The following CRYBA4 variants were observed in gnomAD, a reference collection of about 807,000 sequenced individuals.
CRYBA4 encodes beta-crystallin A4.
Under a neutral mutation model 31.7 loss-of-function variants are expected in CRYBA4, and 30 were observed. The ratio of observed to expected loss-of-function variants is 0.95; its 90% CI spans 0.71 to 1.28. The LOEUF (loss-of-function observed/expected upper bound fraction) is 1.28. Among genes scored for constraint, CRYBA4 ranks in the 50% most tolerant of loss-of-function variants. The probability of loss-of-function intolerance (pLI) is 0.00; values close to 1 mark genes in which losing one functional copy is unlikely to be tolerated. For synonymous variants in CRYBA4, 102 were observed against 102.3 expected (o/e 1.00, Z 0.02); for missense variants, 225 against 260.7 (o/e 0.86, Z 0.94).
chr22:26,616,128 C>T, the CRYBA4 span: 16 of 1,612,822 alleles, frequency 9.9e-6, no homozygotes, highest in Non-Finnish European at 1.2e-5. Flanking sequence ...CACTGCACCC[C>T]CAGGTCCTTA....
the CRYBA4 span, among the ~76,000 whole-genome samples, chr22:26,600,451 C>T: frequency 6.6e-6 from 1 of 152,048 alleles, no homozygotes; most frequent in African/African-American, 2.4e-5. Flanking sequence ...CAGTGCGTAG[C>T]AGCTGGGAAC....
intron 5 of CRYBA4, among the ~76,000 whole-genome samples, chr22:26,629,701 C>G (rs1313905364): frequency 8.0e-6 from 1 of 125,156 alleles, no homozygotes; most frequent in Non-Finnish European, 1.6e-5. Flanking sequence ...TGCCACGGCA[C>G]TCCAGTCTGG....
rs758790937 is a variant in CRYBA4 at position 26,630,471 on chromosome 22, G to T, written c.575G>T (p.Arg192Leu). 2 of 1,613,540 alleles carry T rather than the reference G, an allele frequency of 1.2e-6. No homozygotes were observed. The highest frequency in any genetic ancestry group is 1.7e-6 in the Non-Finnish European group (2 of 1,179,914). The part of the protein sequence containing the change: ...HAPTFQVQSI[R>L]RIQQ ...CCGACCTTCCAGGTGCAGAGCATCCGCAGGATCCAGCAGTGAACAGGGGTG... is the reference window on the plus strand; with the variant it reads ...CCGACCTTCCAGGTGCAGAGCATCCTCAGGATCCAGCAGTGAACAGGGGTG... Residue 192 changes from arginine (R) to leucine (L), a missense_variant, in exon 6 of 6, where the codon CGC becomes CTC. Coordinates refer to ENST00000354760, the MANE Select transcript of CRYBA4 (RefSeq NM_001886.3).
In CRYBA4 at chr22:26,627,359, C is replaced by CCCTCCCTCCCTCCCTCCCTT. The variant is rs1404229613; in HGVS notation, c.301-928_301-927insCTCCCTCCCTCCCTCCCTTC. 3.2e-3 allele frequency among the ~76,000 whole-genome samples: 136 copies of CCCTCCCTCCCTCCCTCCCTT among 41,860 alleles called. 3 individuals carry two copies. In the Middle Eastern group the frequency reaches 0.033, roughly 10 times the overall value. 27.5% of individuals were successfully genotyped at this position (41,860 alleles called of 152,430 possible). On this transcript the variant is annotated intron_variant, in intron 4 of 5. Transcript: ENST00000354760. ...CCCCTCCCTCCCTCCCTCCCTCCCT[C>CCCTCCCTCCCTCCCTCCCTT]CTTTCTTTCTTTCTTTCTTTCTTTC...
At chr22:26,599,437 A>C in the CRYBA4 span, 2 of 1,544,598 alleles carry the variant, frequency 1.3e-6, no homozygotes, top group Non-Finnish European at 1.8e-6. Flanking sequence ...AAATGGGGGA[A>C]ATAATTGAAC....
chr22:26,623,213 C>CTT, intron 2 of CRYBA4, 21 bp from the exon 3 acceptor site: 12 of 1,350,756 alleles, frequency 8.9e-6, no homozygotes, highest in Non-Finnish European at 1.1e-5. Context: ...GGATCTCCAC[C>CTT]TTTTTTTTTT....
At chr22:26,617,672 T>C (rs1228069048), upstream of CRYBA4, among the ~76,000 whole-genome samples, 2 of 152,130 alleles carry the variant, frequency 1.3e-5, no homozygotes, top group African/African-American at 4.8e-5. Flanking sequence ...TCTTTCTGCC[T>C]ATCTGCCTGT....
chr22:26,622,636 G>A lies in CRYBA4; in HGVS notation c.39+1G>A. 1.9e-6 allele frequency: 3 copies of A among 1,561,224 alleles called. No individual in the cohort carries two copies. The highest frequency in any genetic ancestry group is 1.8e-6 in the Non-Finnish European group (2 of 1,138,954). On this transcript the variant is annotated splice_donor_variant, in intron 2 of 5. Transcript: ENST00000354760. LOFTEE classifies it high-confidence loss of function. ...CACAAAGTCAGCGGGACCCTGGAAGGTAGGAAGAGGCATGGGGAGGGGGTG... is the reference window on the plus strand; with the variant it reads ...CACAAAGTCAGCGGGACCCTGGAAGATAGGAAGAGGCATGGGGAGGGGGTG...
chr22:26,618,586 G>T (rs1929439130), upstream of CRYBA4, among the ~76,000 whole-genome samples: 1 of 152,212 alleles, frequency 6.6e-6, no homozygotes, highest in African/African-American at 2.4e-5. Flanking sequence ...TGTTATCTCG[G>T]TCAGTCCCCG....
the CRYBA4 span, among the ~76,000 whole-genome samples, chr22:26,594,792 G>T: frequency 3.9e-5 from 6 of 152,204 alleles, no homozygotes; most frequent in Non-Finnish European, 5.9e-5. Flanking sequence ...CCCCCGAAAA[G>T]GCTGAAGGCA....
chr22:26,623,077 T>C (rs1929583735), intron 2 of CRYBA4, among the ~76,000 whole-genome samples, 157 bp from the exon 3 acceptor site: 1 of 152,268 alleles, frequency 6.6e-6, no homozygotes, highest in South Asian at 2.1e-4. Flanking sequence ...TGCTGTCTAG[T>C]GTCTCACATT....
intron 4 of CRYBA4, 54 bp downstream of exon 4, chr22:26,625,676 C>T: frequency 1.3e-6 from 2 of 1,579,858 alleles, no homozygotes; most frequent in East Asian, 2.2e-5. Context: ...CATGTGGGCA[C>T]TTCGGAATCA....
chr22:26,623,441 C>T, intron 3 of CRYBA4, 89 bp downstream of exon 3: 1 of 1,015,964 alleles, frequency 9.8e-7, no homozygotes, highest in Non-Finnish European at 1.5e-6. Flanking sequence ...ATTCTAGGTC[C>T]CCTCTCCCTA....
At chr22:26,607,782 G>A in the CRYBA4 span, 35 of 1,506,024 alleles carry the variant, frequency 2.3e-5, no homozygotes, top group African/African-American at 1.5e-4. Context: ...AGGCTGCCAC[G>A]CCTCCCTACC....
chr22:26,620,560 T>C (rs1929501680), upstream of CRYBA4, among the ~76,000 whole-genome samples: 1 of 31,890 alleles, frequency 3.1e-5, no homozygotes, highest in Non-Finnish European at 6.4e-5. Flanking sequence ...GCATTCCTTT[T>C]TTTTTTTTTT....
At chr22:26,607,281 C>CA in the CRYBA4 span, among the ~76,000 whole-genome samples, 1 of 152,150 alleles carries the variant, frequency 6.6e-6, no homozygotes, top group Non-Finnish European at 1.5e-5. Context: ...CTCAGCCTCC[C>CA]AAAGTGCTGG....
chr22:26,591,755 A>AAG, the CRYBA4 span, among the ~76,000 whole-genome samples: 3 of 150,992 alleles, frequency 2.0e-5, no homozygotes, highest in Non-Finnish European at 4.4e-5. Context: ...AAAAAAAAAA[A>AAG]AAATGAGCAG....
At chr22:26,622,784 G>C in intron 2 of CRYBA4, 149 bp downstream of exon 2, 1 of 695,864 alleles carries the variant, frequency 1.4e-6, no homozygotes, top group South Asian at 1.6e-5. Flanking sequence ...GTCACATACA[G>C]GGAGGTTGAA....
chr22:26,601,762 G>A, the CRYBA4 span: 1 of 1,537,114 alleles, frequency 6.5e-7, no homozygotes, highest in Non-Finnish European at 8.8e-7. Flanking sequence ...CTGGGAGACT[G>A]TGGAAGGGGC....
Sources: allele counts gnomAD v4.1 joint callset (sites outside exome capture counted in the v4.1 genomes callset), GRCh38; gene constraint gnomAD v4.1.1; transcripts MANE v1.5; gene names NCBI Gene and HGNC (gene_info 2026-07-23, HGNC 2026-07-21).